TTLL7: variants seen among roughly 807,000 people sequenced by gnomAD.
TTLL7 encodes tubulin tyrosine ligase like 7.
A neutral mutation model predicts 120.2 loss-of-function variants in TTLL7; 53 were observed. The observed-to-expected ratio is 0.44, with a 90% confidence interval of 0.35 to 0.55. The LOEUF is 0.55. Ranked by LOEUF, TTLL7 falls within the 20% of genes least tolerant of loss-of-function variation. The pLI, the probability that TTLL7 is intolerant of heterozygous loss-of-function variation, is 0.00. For synonymous variants in TTLL7, 353 were observed against 351.7 expected, an observed-to-expected ratio of 1.00 and a Z score of -0.04; for missense variants, 803 against 1,054.7, an observed-to-expected ratio of 0.76 and a Z score of 3.31.
rs753141476 is a variant in TTLL7 at position 83,890,401 on chromosome 1, T to C, written c.2289A>G (p.Leu763=). Residue 763 remains leucine (L), a synonymous_variant, in exon 19 of 21, where the codon TTA becomes TTG. Coordinates refer to ENST00000260505, the MANE Select transcript of TTLL7 (RefSeq NM_024686.6). Reference sequence around the variant, plus strand: ...TAAAAACCCGGTTGAAAATCCGATATAAATTTACTTCTTCAACATCAGGCA... The same window carrying C: ...TAAAAACCCGGTTGAAAATCCGATACAAATTTACTTCTTCAACATCAGGCA... The part of the protein sequence containing the change: ...WKVPDVEEVN[L]YRIFNRVFNR... The C allele has an allele frequency of 1.4e-5, 22 of 1,613,252 alleles. No individual in the cohort carries two copies. The highest frequency in any genetic ancestry group is 5.3e-5 in the African/African-American group (4 of 74,858).
At chr1:83,915,278 T>C (rs1225845005) in intron 14 of TTLL7, among the ~76,000 whole-genome samples, 1 of 152,142 alleles carries the variant, frequency 6.6e-6, no homozygotes, top group Non-Finnish European at 1.5e-5. Flanking sequence ...AGCATGGTAC[T>C]GGTACCAAAA....
chr1:83,990,245 G>A (rs1017359426), intron 1 of TTLL7, among the ~76,000 whole-genome samples: 4 of 143,886 alleles, frequency 2.8e-5, no homozygotes, highest in South Asian at 2.1e-4. Context: ...GCGCAATCTC[G>A]GCTCACTGCA....
At chr1:83,924,761 T>C (rs1658970684) in intron 10 of TTLL7, among the ~76,000 whole-genome samples, 1 of 152,082 alleles carries the variant, frequency 6.6e-6, no homozygotes, top group Non-Finnish European at 1.5e-5. Flanking sequence ...AAAAAGTCAG[T>C]TGGCATTCAC....
intron 14 of TTLL7, among the ~76,000 whole-genome samples, chr1:83,915,335 C>A (rs1658049596): frequency 6.6e-6 from 1 of 152,200 alleles, no homozygotes; most frequent in South Asian, 2.1e-4. Context: ...AGAAATAATG[C>A]CGCAGGTCTA....
chr1:83,994,807 A>C (rs1485860513), intron 1 of TTLL7, among the ~76,000 whole-genome samples: 1 of 152,234 alleles, frequency 6.6e-6, no homozygotes, highest in Non-Finnish European at 1.5e-5. Context: ...ATTAGAGTGC[A>C]AAAGTGAGCT....
chr1:83,868,967 T>G lies in TTLL7; in HGVS notation c.*995A>C, dbSNP rs1003024691. On this transcript the variant is annotated 3_prime_UTR_variant, in exon 21 of 21. Transcript: ENST00000260505. ...TCTTCTTTTTATTTATTTATTTATTTTATTTTATTATTATTTTTTTTTTTT... is the reference window on the plus strand; with the variant it reads ...TCTTCTTTTTATTTATTTATTTATTGTATTTTATTATTATTTTTTTTTTTT... 2.7e-5 allele frequency: 4 copies of G among 149,764 alleles called. No individual in the cohort carries two copies. Among genetic ancestry groups the G allele is most frequent in the Non-Finnish European group, 5.9e-5 (4 of 67,448 alleles). 9.3% of individuals were successfully genotyped at this position (149,764 alleles called of 1,614,324 possible). A position where few individuals can be genotyped will look rare whatever the true frequency, so the allele number is the denominator to read the frequency against.
rs371983124 is a variant in TTLL7 at position 83,959,797 on chromosome 1, T to C, written c.-176-7410A>G. Among the ~76,000 whole-genome samples the C allele has an allele frequency of 4.3e-4, 66 of 152,164 alleles. 1 individual carries two copies. In the South Asian group the frequency reaches 0.013, roughly 30 times the overall value. On this transcript the variant is annotated intron_variant, in intron 1 of 20. Coordinates refer to ENST00000260505, the MANE Select transcript of TTLL7 (RefSeq NM_024686.6). Reference sequence around the variant, plus strand: ...AGGGAGTGAAGACACTGCAATACACTCATACAATGAAAATACTATACATCA... The same window carrying C: ...AGGGAGTGAAGACACTGCAATACACCCATACAATGAAAATACTATACATCA...
chr1:83,992,411 G>C (rs1653083779), intron 1 of TTLL7, among the ~76,000 whole-genome samples: 1 of 151,238 alleles, frequency 6.6e-6, no homozygotes, highest in South Asian at 2.1e-4. Context: ...CAGTTAACTT[G>C]AGAAGATACT....
intron 18 of TTLL7, 47 bp from the exon 19 acceptor site, chr1:83,890,528 G>A: frequency 6.7e-7 from 1 of 1,499,434 alleles, no homozygotes; most frequent in Non-Finnish European, 9.1e-7. Context: ...GTATATCTGT[G>A]TCTAAAATTC....
chr1:83,976,033 C>CTGTG (rs34596192), intron 1 of TTLL7, among the ~76,000 whole-genome samples: 3,129 of 147,854 alleles, frequency 0.021, 44 homozygotes, highest in Non-Finnish European at 0.025. Context: ...TTGTCTCTCT[C>CTGTG]TGTGTGTGTG....
chr1:83,973,530 C>T (rs1253495380), intron 1 of TTLL7, among the ~76,000 whole-genome samples: 1 of 151,934 alleles, frequency 6.6e-6, no homozygotes, highest in Non-Finnish European at 1.5e-5. Context: ...TCTTCTCCTT[C>T]GATATTGTGT....
intron 1 of TTLL7, among the ~76,000 whole-genome samples, chr1:83,996,510 T>C (rs78846725): frequency 0.022 from 3,345 of 152,340 alleles, 68 homozygotes; most frequent in Non-Finnish European, 0.034. Context: ...TTAATTCACT[T>C]CAACCCATGA....
intron 15 of TTLL7, among the ~76,000 whole-genome samples, chr1:83,910,353 T>C (rs532922770): frequency 6.6e-6 from 1 of 152,026 alleles, no homozygotes; most frequent in African/African-American, 2.4e-5. Context: ...ACGAGGCAAA[T>C]AGAAATATGA....
At chr1:83,917,044 T>C (rs1486048778) in intron 14 of TTLL7, among the ~76,000 whole-genome samples, 1 of 148,466 alleles carries the variant, frequency 6.7e-6, no homozygotes, top group Non-Finnish European at 1.5e-5. Flanking sequence ...GAGGCTACAG[T>C]GAGGTATGAA....
intron 15 of TTLL7, among the ~76,000 whole-genome samples, chr1:83,910,637 T>C (rs1422603896): frequency 6.6e-6 from 1 of 152,106 alleles, no homozygotes; most frequent in Non-Finnish European, 1.5e-5. Flanking sequence ...AAGTAGTTCC[T>C]ATGCATCATA....
chr1:83,908,746 A>G (rs1010679643), intron 15 of TTLL7, among the ~76,000 whole-genome samples: 1 of 151,936 alleles, frequency 6.6e-6, no homozygotes, highest in East Asian at 1.9e-4. Flanking sequence ...TCTTCATTAA[A>G]TAATTTGGTA....
At chr1:83,898,876 T>A (rs969628640) in intron 18 of TTLL7, among the ~76,000 whole-genome samples, 1 of 151,880 alleles carries the variant, frequency 6.6e-6, no homozygotes, top group Non-Finnish European at 1.5e-5. Flanking sequence ...TAATGCTACT[T>A]ACTAAGTAGA....
intron 15 of TTLL7, among the ~76,000 whole-genome samples, chr1:83,909,269 C>CTTTTTTTTT (rs71582911): frequency 1.0e-5 from 1 of 99,296 alleles, no homozygotes; most frequent in Admixed American, 1.4e-4. Context: ...TTTTTTTTTC[C>CTTTTTTTTT]TTTTTTTTTT....
At chr1:83,904,418 TGAGGCCAG>T (rs1415511443) in intron 17 of TTLL7, among the ~76,000 whole-genome samples, 1 of 152,080 alleles carries the variant, frequency 6.6e-6, no homozygotes, top group African/African-American at 2.4e-5. Context: ...GCAGATCACT[TGAGGCCAG>T]GAGTTCAAGA....
Sources: gnomAD v4.1 joint callset for allele counts (sites outside exome capture counted in the v4.1 genomes callset) on GRCh38, gnomAD v4.1.1 for gene constraint, MANE v1.5 for transcripts, NCBI Gene and HGNC (gene_info 2026-07-23, HGNC 2026-07-21) for gene names.